The following TRAF3 variants were observed in gnomAD, a reference collection of about 807,000 sequenced individuals.
TRAF3 encodes the protein TNF receptor-associated factor 3.
In TRAF3, 13 loss-of-function variants were observed where a neutral mutation model predicts 62.3. The observed-to-expected ratio is 0.21, with a 90% CI of 0.14 to 0.33. TRAF3 has a LOEUF of 0.33. Ranked by LOEUF, TRAF3 falls within the 10% of genes least tolerant of loss-of-function variation. TRAF3 has a pLI of 1.00. For missense variants in TRAF3, 440 were observed against 741.8 expected, an observed-to-expected ratio of 0.59 and a Z score of 4.73; for synonymous variants, 269 against 283.4, an observed-to-expected ratio of 0.95 and a Z score of 0.51.
In TRAF3 at chr14:102,897,924, G is replaced by A. The variant is rs144159550; in HGVS notation, c.960+523G>A. 5.0e-3 allele frequency among the ~76,000 whole-genome samples: 759 copies of A among 152,322 alleles called. 3 individuals carry two copies. Among genetic ancestry groups the A allele is most frequent in the Non-Finnish European group, 6.5e-3 (444 of 68,032 alleles). On this transcript the variant is annotated intron_variant, in intron 10 of 11. Transcript: ENST00000392745. ...CTGAATAGAGGCGATGATGTAAAGG[G>A]GACTGATGAAATGTCGCTTCTCCTG...
chr14:102,845,284 G>GCTCTGCC (rs1270637592), intron 2 of TRAF3, among the ~76,000 whole-genome samples: 2 of 151,594 alleles, frequency 1.3e-5, no homozygotes. Context: ...CTCACTGCAA[G>GCTCTGCC]CTCTGCCTCC....
intron 2 of TRAF3, among the ~76,000 whole-genome samples, chr14:102,866,264 A>G (rs1422788879): frequency 6.6e-6 from 1 of 152,162 alleles, no homozygotes; most frequent in Non-Finnish European, 1.5e-5. Context: ...AACATCACAC[A>G]CTGGGGCCTG....
intron 2 of TRAF3, among the ~76,000 whole-genome samples, chr14:102,867,559 G>A (rs1053626532): frequency 6.6e-6 from 1 of 152,152 alleles, no homozygotes; most frequent in Non-Finnish European, 1.5e-5. Flanking sequence ...GCATGTGTCT[G>A]GGTAGGCTCA....
intron 2 of TRAF3, among the ~76,000 whole-genome samples, chr14:102,869,005 G>A (rs28380761): frequency 0.12 from 17,988 of 152,154 alleles, 2,373 homozygotes; most frequent in African/African-American, 0.33. Flanking sequence ...AAGAGAGTCC[G>A]CGCAGACAGA....
chr14:102,903,910 T>C lies in TRAF3; in HGVS notation c.1135+481T>C. The C allele has an allele frequency of 2.5e-6, 1 of 407,586 alleles. No individual in the cohort carries two copies. 25.2% of individuals were successfully genotyped at this position (407,586 alleles called of 1,614,324 possible). ...TGAAAGAGTATTGGGAATATTTACA[T>C]GAGGAGGATTAATGGCAGAAAGGAA... On this transcript the variant is annotated intron_variant, in intron 11 of 11. Transcript: ENST00000392745. The surrounding 1 kb of genome is among the most constrained non-coding windows in gnomAD (Gnocchi z 6.4).
At chr14:102,893,387 CAA>C (rs75938667) in intron 9 of TRAF3, among the ~76,000 whole-genome samples, 30 of 76,826 alleles carry the variant, frequency 3.9e-4, no homozygotes, top group Middle Eastern at 8.3e-3. Context: ...GAGACTGTCT[CAA>C]AAAAAAAAAA....
chr14:102,812,407 C>G (rs1434239030), intron 1 of TRAF3, among the ~76,000 whole-genome samples: 2 of 152,134 alleles, frequency 1.3e-5, no homozygotes, highest in East Asian at 1.9e-4. Context: ...TTGTTGGACA[C>G]CTAGATTGAT....
intron 6 of TRAF3, among the ~76,000 whole-genome samples, chr14:102,878,408 G>A (rs903326717): frequency 7.0e-6 from 1 of 143,550 alleles, no homozygotes; most frequent in Non-Finnish European, 1.5e-5. Flanking sequence ...GTGTGTGGGG[G>A]TGTGTGAATG....
chr14:102,883,125 G>A (rs906673868), intron 6 of TRAF3, among the ~76,000 whole-genome samples: 4 of 152,156 alleles, frequency 2.6e-5, no homozygotes, highest in African/African-American at 4.8e-5. Flanking sequence ...AAACACACAC[G>A]CCAGGAAATG....
chr14:102,889,724 A>G, intron 8 of TRAF3, 90 bp downstream of exon 8: 1 of 1,468,266 alleles, frequency 6.8e-7, no homozygotes, highest in Non-Finnish European at 9.5e-7. Flanking sequence ...CAAGCTCTGG[A>G]CTCCTTATTC....
At position 102,910,263 on chromosome 14, in the gene TRAF3, A is replaced by C. The variant is rs1279950276; in HGVS notation, c.*4479A>C. On this transcript the variant is annotated 3_prime_UTR_variant, in exon 12 of 12. Transcript: ENST00000392745. ...AGCTGTAAAATACTGTTTTTTAAAA[A>C]TTTTAGTCCAGATCTTTACTTATTA... 1 of 152,238 alleles carries C rather than the reference A, an allele frequency of 6.6e-6. No individual in the cohort carries two copies. The highest frequency in any genetic ancestry group is 1.5e-5 in the Non-Finnish European group (1 of 68,040). 9.4% of individuals were successfully genotyped at this position (152,238 alleles called of 1,614,324 possible).
At chr14:102,839,000 A>G (rs1886199000) in intron 2 of TRAF3, among the ~76,000 whole-genome samples, 1 of 152,098 alleles carries the variant, frequency 6.6e-6, no homozygotes, top group Admixed American at 6.5e-5. Context: ...TGTGCCTTCT[A>G]TGAAATGAAC....
chr14:102,845,999 A>C (rs1480542722), intron 2 of TRAF3, among the ~76,000 whole-genome samples: 1 of 148,852 alleles, frequency 6.7e-6, no homozygotes, highest in Non-Finnish European at 1.5e-5. Context: ...AAAAAAAAAA[A>C]AAAAAAAAAA....
At chr14:102,854,095 C>T (rs574150029) in intron 2 of TRAF3, among the ~76,000 whole-genome samples, 1 of 152,248 alleles carries the variant, frequency 6.6e-6, no homozygotes, top group South Asian at 2.1e-4. Context: ...AGGGTCCATC[C>T]ATGTTGTAGC....
intron 2 of TRAF3, among the ~76,000 whole-genome samples, chr14:102,864,147 C>CT (rs1022782387): frequency 0.028 from 3,699 of 133,930 alleles, 72 homozygotes; most frequent in Middle Eastern, 0.062. Context: ...TTGCCTTTTT[C>CT]TTTTTTTTTT....
At chr14:102,844,680 C>T (rs941832974) in intron 2 of TRAF3, among the ~76,000 whole-genome samples, 1 of 152,080 alleles carries the variant, frequency 6.6e-6, no homozygotes, top group Non-Finnish European at 1.5e-5. Flanking sequence ...ATCTCCATTG[C>T]AGTAATTGCC....
At chr14:102,807,274 C>A (rs781174549) in intron 1 of TRAF3, among the ~76,000 whole-genome samples, 1 of 152,190 alleles carries the variant, frequency 6.6e-6, no homozygotes, top group African/African-American at 2.4e-5. Flanking sequence ...GCCCCAGGAG[C>A]CTGCCTGCCC....
At chr14:102,890,925 G>C (rs1354828799) in intron 8 of TRAF3, among the ~76,000 whole-genome samples, 1 of 152,136 alleles carries the variant, frequency 6.6e-6, no homozygotes, top group African/African-American at 2.4e-5. Flanking sequence ...TACAACTACA[G>C]GTATCTAAAC....
chr14:102,827,970 T>C (rs756488000), intron 1 of TRAF3, among the ~76,000 whole-genome samples: 2 of 152,232 alleles, frequency 1.3e-5, no homozygotes, highest in Non-Finnish European at 2.9e-5. Flanking sequence ...AGTCTGGTGC[T>C]AAGCAGCAGA....
Sources: allele counts gnomAD v4.1 joint callset (sites outside exome capture counted in the v4.1 genomes callset), GRCh38; gene constraint gnomAD v4.1.1; non-coding constraint Gnocchi (gnomAD v3.1); transcripts MANE v1.5; gene names NCBI Gene and HGNC (gene_info 2026-07-23, HGNC 2026-07-21).